HACL1: variants seen among roughly 807,000 people sequenced by gnomAD.
HACL1 encodes the protein 2-hydroxyacyl-CoA lyase 1, also known as 1600020H07Rik.
A neutral mutation model predicts 74.2 loss-of-function variants in HACL1; 64 were observed. That is an observed-to-expected ratio of 0.86 (90% confidence interval 0.70 to 1.06). The LOEUF is 1.06. HACL1 is among the 50% of genes least tolerant of loss of function. HACL1 has a pLI of 0.00. For synonymous variants in HACL1, 230 were observed against 238.8 expected (o/e 0.96, Z 0.34); for missense variants, 728 against 719.7 (o/e 1.01, Z -0.13).
chr3:15,599,857 A>T (rs997083027), intron 2 of HACL1, among the ~76,000 whole-genome samples: 1 of 152,214 alleles, frequency 6.6e-6, no homozygotes. Context: ...TTAGTCAATA[A>T]ATGTTTGCTG....
intron 5 of HACL1, among the ~76,000 whole-genome samples, chr3:15,588,888 C>T (rs1190229662): frequency 6.6e-6 from 1 of 151,770 alleles, no homozygotes; most frequent in African/African-American, 2.4e-5. Flanking sequence ...TAAGTTTTTT[C>T]CTCTTATTTC....
At chr3:15,595,732 T>C (rs1317389183) in intron 3 of HACL1, among the ~76,000 whole-genome samples, 1 of 146,538 alleles carries the variant, frequency 6.8e-6, no homozygotes. Flanking sequence ...TGCCTCAGCC[T>C]CCCGAGTAGC....
intron 9 of HACL1, among the ~76,000 whole-genome samples, chr3:15,575,760 C>T (rs1331647369): frequency 6.6e-6 from 1 of 152,002 alleles, no homozygotes; most frequent in East Asian, 1.9e-4. Context: ...AGGCTAGTCT[C>T]GAACTCCTGG....
intron 4 of HACL1, 45 bp downstream of exon 4, chr3:15,591,555 G>T: frequency 1.7e-6 from 2 of 1,164,592 alleles, no homozygotes; most frequent in Non-Finnish European, 2.6e-6. Context: ...AAATCCTGCA[G>T]TGACCTTTTT....
intron 14 of HACL1, among the ~76,000 whole-genome samples, chr3:15,567,417 A>C (rs2063456220): frequency 6.7e-6 from 1 of 148,292 alleles, no homozygotes; most frequent in Non-Finnish European, 1.5e-5. Context: ...ATGGGATTTC[A>C]CCATTTTGGC....
chr3:15,587,396 T>G (rs2063814630), intron 5 of HACL1, among the ~76,000 whole-genome samples: 1 of 147,620 alleles, frequency 6.8e-6, no homozygotes, highest in Non-Finnish European at 1.5e-5. Context: ...TCTCTTGATG[T>G]TTTAGTATGA....
In HACL1 at chr3:15,567,979, G is replaced by T; in HGVS notation, c.1274C>A (p.Thr425Lys). ...AGCAAATCCCAAACCAACTCCCATT[G>T]TTCCGAAAGTACCAGCATCAAGCCT... is the stretch of plus-strand genomic sequence containing the variant. ...RHRLDAGTFG[T>K]MGVGLGFAIA... The change falls in exon 14 of 17, where the codon ACA (threonine) becomes AAA (lysine). Residue 425 changes from threonine to lysine, a missense_variant. By Grantham distance (78) the Thr-to-Lys change is moderately conservative. Coordinates refer to ENST00000321169, the MANE Select transcript of HACL1 (RefSeq NM_012260.4). 6.2e-7 allele frequency: 1 copy of T among 1,614,050 alleles called. No individual in the cohort carries two copies. Among genetic ancestry groups the T allele is most frequent in the Non-Finnish European group, 8.5e-7 (1 of 1,179,956 alleles).
At chr3:15,592,203 T>C (rs12497829) in intron 3 of HACL1, among the ~76,000 whole-genome samples, 26,498 of 149,970 alleles carry the variant, frequency 0.18, 3,052 homozygotes, top group Non-Finnish European at 0.25. Flanking sequence ...TATATATGTA[T>C]ACATGCGTGT....
intron 16 of HACL1, 93 bp from the exon 17 acceptor site, chr3:15,560,990 C>A: frequency 2.0e-6 from 2 of 983,992 alleles, no homozygotes; most frequent in East Asian, 2.4e-5. Context: ...CCTAAAAGTC[C>A]TACACAATGG....
intron 9 of HACL1, among the ~76,000 whole-genome samples, chr3:15,575,795 C>T (rs2063614651): frequency 6.6e-6 from 1 of 152,032 alleles, no homozygotes; most frequent in South Asian, 2.1e-4. Flanking sequence ...CCCACCTTGG[C>T]CTCCCAAATT....
intron 10 of HACL1, among the ~76,000 whole-genome samples, chr3:15,574,406 G>A (rs373874268): frequency 6.6e-6 from 1 of 152,164 alleles, no homozygotes; most frequent in African/African-American, 2.4e-5. Context: ...AAAATGGGGC[G>A]AATCCGTGTA....
Position 15,571,655 on chromosome 3 carries a change from G to A in HACL1, c.1095+13C>T. 9.3e-7 allele frequency: 1 copy of A among 1,077,670 alleles called. No individual in the cohort carries two copies. Among genetic ancestry groups the A allele is most frequent in the Non-Finnish European group, 1.4e-6 (1 of 691,534 alleles). 66.8% of individuals were successfully genotyped at this position (1,077,670 alleles called of 1,614,324 possible). On this transcript the variant is annotated intron_variant, in intron 12 of 16. Coordinates refer to ENST00000321169, the MANE Select transcript of HACL1 (RefSeq NM_012260.4). ...CCTGACCTGTTATTGAGCGTCAGTA[G>A]GTCCGATTTTACCTTGGATGCAGCT...
Position 15,573,141 on chromosome 3 carries a change from TAAAAC to T in HACL1, c.993+13_993+17del. The stretch of plus-strand genomic sequence containing the variant: ...TCCCTAATAAGCACTCCACATAAAC[TAAAAC>T]AAAAGTTCTCACCTGCTTAGTGACA... On this transcript the variant is annotated intron_variant, in intron 11 of 16. Coordinates refer to ENST00000321169, the MANE Select transcript of HACL1 (RefSeq NM_012260.4). The T allele has an allele frequency of 6.8e-7, 1 of 1,469,402 alleles. No individual in the cohort carries two copies. Among genetic ancestry groups the T allele is most frequent in the South Asian group, 1.1e-5 (1 of 87,748 alleles). The allele number at this position is 1,469,402 out of a possible 1,614,324, so 91.0% of individuals were successfully genotyped here. A position where few individuals can be genotyped will look rare whatever the true frequency, so the allele number is the denominator to read the frequency against.
At chr3:15,575,338 A>C (rs995177353) in intron 9 of HACL1, among the ~76,000 whole-genome samples, 1 of 152,180 alleles carries the variant, frequency 6.6e-6, no homozygotes, top group Non-Finnish European at 1.5e-5. Context: ...ACTTTTTTAT[A>C]ATTAGAAAAA....
chr3:15,575,885 C>G (rs1016460225), intron 9 of HACL1, among the ~76,000 whole-genome samples: 3 of 151,640 alleles, frequency 2.0e-5, no homozygotes, highest in Non-Finnish European at 4.4e-5. Flanking sequence ...TGGCCTGGTG[C>G]GGTGGCTCAT....
chr3:15,577,954 C>T (rs1365752901), intron 9 of HACL1, among the ~76,000 whole-genome samples: 1 of 151,522 alleles, frequency 6.6e-6, no homozygotes, highest in African/African-American at 2.4e-5. Flanking sequence ...AAAAATTAGC[C>T]GGGTGTGGTG....
intron 8 of HACL1, among the ~76,000 whole-genome samples, chr3:15,581,681 A>G (rs1023095556): frequency 1.3e-5 from 2 of 152,172 alleles, no homozygotes; most frequent in Admixed American, 1.3e-4. Flanking sequence ...TATCTACACA[A>G]GCAAATTGTT....
At chr3:15,586,992 T>C (rs922714774) in intron 5 of HACL1, among the ~76,000 whole-genome samples, 4 of 152,206 alleles carry the variant, frequency 2.6e-5, no homozygotes, top group Non-Finnish European at 4.4e-5. Flanking sequence ...TAAAACTTCA[T>C]CTGTTAGATT....
intron 3 of HACL1, among the ~76,000 whole-genome samples, chr3:15,592,116 CTATA>C (rs1337930271): frequency 7.5e-6 from 1 of 134,142 alleles, no homozygotes; most frequent in African/African-American, 3.1e-5. Context: ...TATATACACA[CTATA>C]TACGTATACA....
Sources: allele counts gnomAD v4.1 joint callset (sites outside exome capture counted in the v4.1 genomes callset), GRCh38; gene constraint gnomAD v4.1.1; transcripts MANE v1.5; gene names NCBI Gene and HGNC (gene_info 2026-07-23, HGNC 2026-07-21).